SLC75A1: variants seen among roughly 807,000 people sequenced by gnomAD.
SLC75A1 encodes the protein major facilitator superfamily domain containing 10.
the SLC75A1 span, chr4:2,932,270 C>G: frequency 6.4e-7 from 1 of 1,555,304 alleles, no homozygotes; most frequent in African/African-American, 1.4e-5. Context: ...GCATCTGGGG[C>G]TGGCACACAG....
chr4:2,933,544 C>T, the SLC75A1 span: 1 of 1,612,916 alleles, frequency 6.2e-7, no homozygotes, highest in Non-Finnish European at 8.5e-7. Context: ...GAGAGCCCGC[C>T]AAGGGCACAG....
At chr4:2,930,649 G>A in the SLC75A1 span, 1 of 622,834 alleles carries the variant, frequency 1.6e-6, no homozygotes, top group Non-Finnish European at 2.8e-6. Context: ...CAGCCTTGGA[G>A]TGCTGCAGCT....
chr4:2,930,647 G>T, the SLC75A1 span: 1 of 619,640 alleles, frequency 1.6e-6, no homozygotes. Flanking sequence ...GACAGCCTTG[G>T]AGTGCTGCAG....
At chr4:2,931,023 G>C in the SLC75A1 span, 1 of 1,611,102 alleles carries the variant, frequency 6.2e-7, no homozygotes, top group African/African-American at 1.3e-5. Context: ...GCAGGTGCTT[G>C]GCCCCCAGCC....
the SLC75A1 span, chr4:2,934,158 G>A: frequency 3.4e-6 from 2 of 589,074 alleles, no homozygotes; most frequent in East Asian, 5.7e-5. Flanking sequence ...AAAAATAGCC[G>A]CAAAGGCAAC....
At chr4:2,934,132 C>T in the SLC75A1 span, 1 of 612,546 alleles carries the variant, frequency 1.6e-6, no homozygotes, top group Non-Finnish European at 2.9e-6. Context: ...GAAACGCAGG[C>T]TTCGGGGATT....
chr4:2,932,764 C>CAGGGGCAGGGGCCA, the SLC75A1 span: 1 of 1,548,220 alleles, frequency 6.5e-7, no homozygotes, highest in African/African-American at 1.4e-5. Context: ...CCCATCTGCC[C>CAGGGGCAGGGGCCA]AGGGGCAGGG....
At chr4:2,930,728 A>G in the SLC75A1 span, 2 of 1,286,214 alleles carry the variant, frequency 1.6e-6, no homozygotes, top group East Asian at 2.5e-5. Flanking sequence ...GCCGGCCCCC[A>G]CCCACAGGGT....
chr4:2,930,617 A>T, the SLC75A1 span: 2 of 592,086 alleles, frequency 3.4e-6, no homozygotes, highest in Admixed American at 3.2e-5. Context: ...TGCATAGTTT[A>T]AAAAACAAAC....
chr4:2,930,593 C>T, the SLC75A1 span: 2 of 569,630 alleles, frequency 3.5e-6, no homozygotes, highest in Non-Finnish European at 6.2e-6. Context: ...TTTATTTCAT[C>T]ATCAGAAACC....
chr4:2,933,410 A>G, the SLC75A1 span, among the ~76,000 whole-genome samples: 1 of 152,216 alleles, frequency 6.6e-6, no homozygotes, highest in Admixed American at 6.5e-5. Context: ...GCAAGGGATC[A>G]TGCCCAGAAG....
chr4:2,931,878 C>G, the SLC75A1 span: 4 of 1,611,214 alleles, frequency 2.5e-6, no homozygotes, highest in Admixed American at 1.7e-5. Flanking sequence ...ACTCCAGGCC[C>G]GAGAACAGGA....
chr4:2,932,254 T>G, the SLC75A1 span: 1 of 1,549,100 alleles, frequency 6.5e-7, no homozygotes, highest in South Asian at 1.2e-5. Flanking sequence ...CGGCCCAGCC[T>G]CCCTGGCATC....
the SLC75A1 span, chr4:2,931,954 G>T: frequency 6.2e-7 from 1 of 1,602,586 alleles, no homozygotes. Context: ...GAGGTGGCGC[G>T]TGCTGAGAAG....
the SLC75A1 span, chr4:2,932,718 C>T: frequency 2.3e-5 from 36 of 1,597,404 alleles, 1 homozygote; most frequent in South Asian, 1.1e-4. Flanking sequence ...CGCAAAGCTC[C>T]GAGAGGTGGC....
chr4:2,931,699 C>A, the SLC75A1 span: 1 of 1,582,180 alleles, frequency 6.3e-7, no homozygotes, highest in Non-Finnish European at 8.6e-7. Context: ...GCACCCGGGG[C>A]AGGGCCACCC....
At chr4:2,931,176 C>A in the SLC75A1 span, 9 of 1,557,050 alleles carry the variant, frequency 5.8e-6, no homozygotes, top group Non-Finnish European at 7.8e-6. Flanking sequence ...CAGTCAGGCA[C>A]CACTGCCCTT....
chr4:2,932,179 G>A, the SLC75A1 span: 6 of 1,585,388 alleles, frequency 3.8e-6, no homozygotes, highest in East Asian at 1.1e-4. Flanking sequence ...TGGAGAGCCT[G>A]CAGGAGCGGC....
the SLC75A1 span, chr4:2,933,174 G>GA: frequency 1.2e-6 from 2 of 1,613,708 alleles, no homozygotes; most frequent in Non-Finnish European, 1.7e-6. Context: ...GGCGCACACA[G>GA]AAACTGCAGG....
Sources: allele counts gnomAD v4.1 joint callset (sites outside exome capture counted in the v4.1 genomes callset), GRCh38; gene constraint gnomAD v4.1.1; transcripts MANE v1.5; gene names NCBI Gene and HGNC (gene_info 2026-07-23, HGNC 2026-07-21).